Variants in C7orf78 observed in about 807,000 individuals in gnomAD.
The protein encoded by C7orf78 is putative uncharacterized protein C7orf78.
chr7:12,496,770 A>T, the C7orf78 span: 1 of 152,250 alleles, frequency 6.6e-6, no homozygotes, highest in South Asian at 2.1e-4. Context: ...CTTTTGATAA[A>T]GAACCATATG....
the C7orf78 span, among the ~76,000 whole-genome samples, chr7:12,493,467 CTGAT>C: frequency 6.6e-6 from 1 of 152,180 alleles, no homozygotes; most frequent in Non-Finnish European, 1.5e-5. Flanking sequence ...TGTGAAAACA[CTGAT>C]TGCTGGGCCC....
At chr7:12,493,698 C>A in the C7orf78 span, among the ~76,000 whole-genome samples, 2 of 152,156 alleles carry the variant, frequency 1.3e-5, no homozygotes, top group African/African-American at 4.8e-5. Context: ...CTTGGGCAAG[C>A]TGTTAGACTA....
At chr7:12,506,941 G>T in the C7orf78 span, 1 of 481,614 alleles carries the variant, frequency 2.1e-6, no homozygotes, top group Non-Finnish European at 4.2e-6. Context: ...ATAAAGTGCT[G>T]AATAAATCTC....
the C7orf78 span, among the ~76,000 whole-genome samples, chr7:12,532,218 T>C: frequency 1.3e-5 from 2 of 152,160 alleles, no homozygotes; most frequent in African/African-American, 4.8e-5. Context: ...TACAGGCTGC[T>C]CTTTTTTAGG....
the C7orf78 span, among the ~76,000 whole-genome samples, chr7:12,508,556 C>T: frequency 5.3e-5 from 8 of 152,132 alleles, no homozygotes; most frequent in African/African-American, 1.9e-4. Context: ...ACATGAGTTG[C>T]TCCAATGTAC....
the C7orf78 span, among the ~76,000 whole-genome samples, chr7:12,496,016 C>G: frequency 1.3e-5 from 2 of 152,154 alleles, no homozygotes; most frequent in African/African-American, 4.8e-5. Flanking sequence ...AGCTCTGCCT[C>G]CCGGGTTCAC....
At chr7:12,503,537 T>A in the C7orf78 span, among the ~76,000 whole-genome samples, 1 of 152,012 alleles carries the variant, frequency 6.6e-6, no homozygotes, top group Non-Finnish European at 1.5e-5. Flanking sequence ...GGTAATTTTT[T>A]AAACTGGATG....
the C7orf78 span, among the ~76,000 whole-genome samples, chr7:12,520,591 C>G: frequency 6.6e-6 from 1 of 152,110 alleles, no homozygotes; most frequent in African/African-American, 2.4e-5. Flanking sequence ...AGAAAAGATA[C>G]TTTCTATGTT....
chr7:12,530,744 T>G, the C7orf78 span, among the ~76,000 whole-genome samples: 229 of 152,268 alleles, frequency 1.5e-3, 3 homozygotes, highest in Non-Finnish European at 2.4e-4. Context: ...CACGAGAAGT[T>G]TAGTGAGTGA....
chr7:12,534,660 G>A, the C7orf78 span, among the ~76,000 whole-genome samples: 1 of 152,122 alleles, frequency 6.6e-6, no homozygotes, highest in Non-Finnish European at 1.5e-5. Flanking sequence ...TAATCCAATG[G>A]AAAATAACAG....
the C7orf78 span, chr7:12,523,068 G>A: frequency 1.3e-4 from 52 of 398,208 alleles, no homozygotes; most frequent in South Asian, 4.8e-3. Flanking sequence ...TATCCTTCAC[G>A]ACAGGATCTC....
chr7:12,499,631 G>A, the C7orf78 span, among the ~76,000 whole-genome samples: 1 of 150,622 alleles, frequency 6.6e-6, no homozygotes, highest in South Asian at 2.1e-4. Context: ...ATTAATAATG[G>A]GAGACTTTAA....
chr7:12,492,155 G>A, the C7orf78 span, among the ~76,000 whole-genome samples: 1 of 152,124 alleles, frequency 6.6e-6, no homozygotes, highest in African/African-American at 2.4e-5. Context: ...TGTTGGATGG[G>A]TGGGATATGT....
At chr7:12,523,746 G>T in the C7orf78 span, among the ~76,000 whole-genome samples, 2 of 152,112 alleles carry the variant, frequency 1.3e-5, no homozygotes, top group African/African-American at 4.8e-5. Flanking sequence ...GACATCAGTT[G>T]CCAGGAGTTT....
chr7:12,491,663 C>G, the C7orf78 span: 58 of 152,272 alleles, frequency 3.8e-4, 1 homozygote, highest in African/African-American at 1.3e-3. Flanking sequence ...ATTAATATTT[C>G]CTCTAGCCAT....
chr7:12,484,411 A>T, the C7orf78 span, among the ~76,000 whole-genome samples: 2 of 152,232 alleles, frequency 1.3e-5, no homozygotes, highest in Admixed American at 1.3e-4. Context: ...GTTACCTAAC[A>T]TCTTGACTAG....
the C7orf78 span, among the ~76,000 whole-genome samples, chr7:12,516,424 G>A: frequency 6.6e-6 from 1 of 152,360 alleles, no homozygotes; most frequent in South Asian, 2.1e-4. Context: ...GGGCACTCAT[G>A]GAGAACCTCT....
chr7:12,509,891 G>A, the C7orf78 span, among the ~76,000 whole-genome samples: 7 of 152,014 alleles, frequency 4.6e-5, no homozygotes, highest in African/African-American at 1.2e-4. Flanking sequence ...AAAATTAGCC[G>A]GGCGTGGTGG....
the C7orf78 span, among the ~76,000 whole-genome samples, chr7:12,499,522 A>G: frequency 6.7e-6 from 1 of 148,794 alleles, no homozygotes; most frequent in Non-Finnish European, 1.5e-5. Context: ...TTCAACAAGA[A>G]GAGCTAACTA....
Sources: gnomAD v4.1 joint callset for allele counts (sites outside exome capture counted in the v4.1 genomes callset) on GRCh38, gnomAD v4.1.1 for gene constraint, MANE v1.5 for transcripts, NCBI Gene and HGNC (gene_info 2026-07-23, HGNC 2026-07-21) for gene names.